FGF14: variants seen among roughly 807,000 people sequenced by gnomAD.
FGF14 encodes fibroblast growth factor homologous factor 4.
In FGF14, 5 loss-of-function variants were observed where a neutral mutation model predicts 25.5. The observed-to-expected ratio is 0.20, with a 90% confidence interval of 0.10 to 0.41. FGF14 has a LOEUF of 0.41. FGF14 is among the 10% of genes least tolerant of loss of function. The pLI is 1.00. For missense variants in FGF14, 222 were observed against 320.1 expected (o/e 0.69, Z 2.34); for synonymous variants, 138 against 118.3 (o/e 1.17, Z -1.08).
chr13:102,013,016 A>G (rs1431544766), intron 1 of FGF14, among the ~76,000 whole-genome samples: 1 of 152,132 alleles, frequency 6.6e-6, no homozygotes, highest in Non-Finnish European at 1.5e-5. Context: ...AAACATAGAT[A>G]CTAACACAGA....
chr13:101,862,925 G>T (rs2044498030), intron 3 of FGF14, among the ~76,000 whole-genome samples: 1 of 152,050 alleles, frequency 6.6e-6, no homozygotes, highest in South Asian at 2.1e-4. Flanking sequence ...ATGTAAAACT[G>T]TTATTTAACA....
intron 1 of FGF14, among the ~76,000 whole-genome samples, chr13:102,355,518 A>C (rs1201176452): frequency 6.6e-6 from 1 of 150,542 alleles, no homozygotes; most frequent in East Asian, 1.9e-4. Context: ...CAGCTTTGAC[A>C]CAGTAGGAAT....
chr13:102,287,783 TG>T (rs1323792824), intron 1 of FGF14, among the ~76,000 whole-genome samples: 1 of 152,174 alleles, frequency 6.6e-6, no homozygotes, highest in Non-Finnish European at 1.5e-5. Flanking sequence ...CAGACAACTT[TG>T]GGGGGATAAT....
chr13:101,973,598 T>C (rs1468519621), intron 1 of FGF14, among the ~76,000 whole-genome samples: 2 of 151,748 alleles, frequency 1.3e-5, no homozygotes, highest in African/African-American at 4.8e-5. Context: ...GAAATTAGAG[T>C]CCAATGTTTG....
At chr13:102,169,679 A>T (rs1202146378) in intron 1 of FGF14, among the ~76,000 whole-genome samples, 1 of 152,156 alleles carries the variant, frequency 6.6e-6, no homozygotes, top group Non-Finnish European at 1.5e-5. Flanking sequence ...TTTCCTGTTA[A>T]CTGATCTAAA....
At chr13:102,373,600 T>C (rs1418114517) in intron 1 of FGF14, 2 of 152,162 alleles carry the variant, frequency 1.3e-5, no homozygotes, top group African/African-American at 4.8e-5. Context: ...AAGAAGATAA[T>C]TCAAATTTAA....
At chr13:102,099,707 T>C (rs2044568996) in intron 1 of FGF14, among the ~76,000 whole-genome samples, 1 of 152,154 alleles carries the variant, frequency 6.6e-6, no homozygotes, top group Non-Finnish European at 1.5e-5. Context: ...TCTTATTTGT[T>C]AATAAGATGC....
chr13:101,962,050 T>A (rs1456014526), intron 1 of FGF14, among the ~76,000 whole-genome samples: 6 of 152,130 alleles, frequency 3.9e-5, no homozygotes, highest in Non-Finnish European at 8.8e-5. Context: ...ATACAGGCTT[T>A]TTTTTGGCTC....
rs2034714828 is a variant in FGF14, at chr13:101,716,190, C to T, written c.*6641G>A. On this transcript the variant is annotated 3_prime_UTR_variant, in exon 5 of 5. Transcript: ENST00000376143. ...TGCATATTCACATTAATTAATCGAT[C>T]AGATTTTTCCAGAATTCCGTATCAG... is the stretch of plus-strand genomic sequence containing the variant. 6.6e-6 allele frequency: 1 copy of T among 152,180 alleles called. No homozygotes were observed. Among genetic ancestry groups the T allele is most frequent in the Admixed American group, 6.5e-5 (1 of 15,272 alleles). 9.4% of individuals were successfully genotyped at this position (152,180 alleles called of 1,614,324 possible).
At position 102,042,541 on chromosome 13, in the gene FGF14, G is replaced by A. The variant is rs138365755; in HGVS notation, c.209-167245C>T. ...AATATATCCTCAGAACCTAGAACAG[G>A]GCCTGGCATATAGTAGATGCTCAAA... On this transcript the variant is annotated intron_variant, in intron 1 of 4. Transcript: ENST00000376131. Among the ~76,000 whole-genome samples, 722 of 152,116 alleles carry A rather than the reference G, an allele frequency of 4.7e-3. 2 individuals are homozygous for A. The highest frequency in any genetic ancestry group is 0.01 in the Middle Eastern group (3 of 294).
chr13:101,783,298 T>A lies in FGF14; in HGVS notation c.409-56488A>T, dbSNP rs547409335. Among the ~76,000 whole-genome samples, 30 of 152,150 alleles carry A rather than the reference T, an allele frequency of 2.0e-4. No individual in the cohort carries two copies. The South Asian group carries it at 6.0e-3, about 31-fold the overall frequency. On this transcript the variant is annotated intron_variant, in intron 3 of 4. Transcript: ENST00000376143. ...CATCCTGGACAACATGGGAAAACCC[T>A]GTTTCTACTAAAAATACAAAAATTA...
chr13:102,237,301 C>A (rs1320050322), intron 1 of FGF14, among the ~76,000 whole-genome samples: 2 of 152,166 alleles, frequency 1.3e-5, no homozygotes, highest in African/African-American at 2.4e-5. Context: ...GAGGTGGGTT[C>A]CCTGCATCCG....
At chr13:102,021,309 C>A (rs2040638456) in intron 1 of FGF14, among the ~76,000 whole-genome samples, 1 of 152,014 alleles carries the variant, frequency 6.6e-6, no homozygotes, top group South Asian at 2.1e-4. Flanking sequence ...CTACTTAGCT[C>A]ATTTTGAGCT....
At chr13:102,345,442 C>T (rs1302722330) in intron 1 of FGF14, among the ~76,000 whole-genome samples, 3 of 152,132 alleles carry the variant, frequency 2.0e-5, no homozygotes, top group African/African-American at 7.2e-5. Flanking sequence ...ACAAATAAAG[C>T]AAATAAAAAT....
intron 1 of FGF14, among the ~76,000 whole-genome samples, chr13:102,011,422 G>C (rs1195554944): frequency 6.6e-6 from 1 of 152,146 alleles, no homozygotes; most frequent in Non-Finnish European, 1.5e-5. Flanking sequence ...AGAGCATAGA[G>C]AGCAGCTCAG....
chr13:102,226,519 T>G (rs186376139), intron 1 of FGF14, among the ~76,000 whole-genome samples: 1 of 152,226 alleles, frequency 6.6e-6, no homozygotes. Context: ...TGTAATATTT[T>G]TGAGATGTTC....
chr13:101,790,703 G>A (rs2140088953), intron 3 of FGF14, among the ~76,000 whole-genome samples: 1 of 152,134 alleles, frequency 6.6e-6, no homozygotes, highest in African/African-American at 2.4e-5. Flanking sequence ...TTATACCTGA[G>A]TCCACCATAA....
chr13:102,098,818 T>C (rs1302911296), intron 1 of FGF14, among the ~76,000 whole-genome samples: 1 of 152,202 alleles, frequency 6.6e-6, no homozygotes, highest in Non-Finnish European at 1.5e-5. Context: ...ATGGGCCTGT[T>C]GCCTAAAATG....
intron 1 of FGF14, among the ~76,000 whole-genome samples, chr13:102,283,615 TTAAA>T (rs2053954229): frequency 1.3e-5 from 2 of 152,266 alleles, no homozygotes; most frequent in Admixed American, 6.5e-5. Flanking sequence ...AATTCCTTTA[TTAAA>T]TATTTTTAAA....
Sources: allele counts gnomAD v4.1 joint callset (sites outside exome capture counted in the v4.1 genomes callset), GRCh38; gene constraint gnomAD v4.1.1; transcripts MANE v1.5; gene names NCBI Gene and HGNC (gene_info 2026-07-23, HGNC 2026-07-21).